The following PRIMA1 variants were observed in gnomAD, a reference collection of about 807,000 sequenced individuals.
PRIMA1 encodes proline-rich membrane anchor 1.
In PRIMA1, 7 loss-of-function variants were observed where a neutral mutation model predicts 17.5. The observed-to-expected ratio is 0.40, with a 90% CI of 0.23 to 0.75. The LOEUF is 0.75. Among genes scored for constraint, PRIMA1 ranks in the 30% least tolerant of loss-of-function variants. PRIMA1 has a pLI of 0.37. For missense variants in PRIMA1, 200 were observed against 201.8 expected (o/e 0.99, Z 0.05); for synonymous variants, 97 against 77.9 (o/e 1.25, Z -1.29).
intron 2 of PRIMA1, 132 bp downstream of exon 2, chr14:93,787,494 T>C (rs1885556199): frequency 1.5e-6 from 2 of 1,348,126 alleles, no homozygotes; most frequent in African/African-American, 1.4e-5. Flanking sequence ...CGTAGCAGCT[T>C]TTCTTTTCCC....
chr14:93,786,138 CAAAT>C (rs1232537932), intron 2 of PRIMA1, among the ~76,000 whole-genome samples: 2 of 152,124 alleles, frequency 1.3e-5, no homozygotes, highest in Admixed American at 6.5e-5. Context: ...AAAGTGTAAA[CAAAT>C]GAATCTAAAA....
At position 93,719,551 on chromosome 14, in the gene PRIMA1, T is replaced by G. The variant is rs2076023959; in HGVS notation, c.*1893A>C. On this transcript the variant is annotated 3_prime_UTR_variant, in exon 5 of 5. Coordinates refer to ENST00000393140, the MANE Select transcript of PRIMA1 (RefSeq NM_178013.4). ...AGGGCTAGGGTCCTGCCCAGGGGTC[T>G]GCTTAGGGCACAGCTTGGGGGTTCA... The G allele has an allele frequency of 6.6e-6, 1 of 152,576 alleles. No individual in the cohort carries two copies. The highest frequency in any genetic ancestry group is 6.5e-5 in the Admixed American group (1 of 15,294). 9.5% of individuals were successfully genotyped at this position (152,576 alleles called of 1,614,324 possible).
At chr14:93,728,049 AG>A (rs2076090573) in intron 4 of PRIMA1, among the ~76,000 whole-genome samples, 1 of 152,146 alleles carries the variant, frequency 6.6e-6, no homozygotes, top group Admixed American at 6.5e-5. Context: ...AAGGAGGCTG[AG>A]GGGGTGTCTC....
chr14:93,729,872 A>G (rs1265882888), intron 4 of PRIMA1, among the ~76,000 whole-genome samples: 1 of 151,506 alleles, frequency 6.6e-6, no homozygotes, highest in Non-Finnish European at 1.5e-5. Context: ...GAAGGGAGAG[A>G]ATGGCAGGAG....
chr14:93,719,883 C>T lies in PRIMA1; in HGVS notation c.*1561G>A, dbSNP rs1346938148. 3 of 152,248 alleles carry T rather than the reference C, an allele frequency of 2.0e-5. No homozygotes were observed. The highest frequency in any genetic ancestry group is 1.5e-5 in the Non-Finnish European group (1 of 68,076). 9.4% of individuals were successfully genotyped at this position (152,248 alleles called of 1,614,324 possible). On this transcript the variant is annotated 3_prime_UTR_variant, in exon 5 of 5. Coordinates refer to ENST00000393140, the MANE Select transcript of PRIMA1 (RefSeq NM_178013.4). The stretch of plus-strand genomic sequence containing the variant: ...CCCTGGGCCTGTCCTCAGCCCACAC[C>T]TGATGACCTGGGCAGGACAATGACA...
At chr14:93,742,709 G>A (rs991124981) in intron 3 of PRIMA1, among the ~76,000 whole-genome samples, 2 of 152,292 alleles carry the variant, frequency 1.3e-5, no homozygotes, top group East Asian at 1.9e-4. Context: ...CTCCCCTATC[G>A]TCCTCATAGG....
chr14:93,766,855 A>G (rs1401887394), intron 3 of PRIMA1, among the ~76,000 whole-genome samples: 1 of 152,202 alleles, frequency 6.6e-6, no homozygotes, highest in Non-Finnish European at 1.5e-5. Context: ...CAACTCAAGA[A>G]GAAGAAATGA....
chr14:93,761,298 C>T (rs898254555), intron 3 of PRIMA1, among the ~76,000 whole-genome samples: 8 of 152,194 alleles, frequency 5.3e-5, no homozygotes, highest in South Asian at 2.1e-4. Flanking sequence ...TTGCAGCGAG[C>T]GGAGATTGTG....
At chr14:93,786,793 G>A (rs1440014822) in intron 2 of PRIMA1, among the ~76,000 whole-genome samples, 3 of 152,160 alleles carry the variant, frequency 2.0e-5, no homozygotes, top group African/African-American at 7.2e-5. Context: ...ACCACTACTG[G>A]TTAATTTCAT....
Position 93,754,806 on chromosome 14 carries a change from G to A in PRIMA1, c.230-17436C>T, listed in dbSNP as rs77296435. On this transcript the variant is annotated intron_variant, in intron 3 of 4. Coordinates refer to ENST00000393140, the MANE Select transcript of PRIMA1 (RefSeq NM_178013.4). ...GCCGGCCATGCAGCTCACCATAATC[G>A]ACTGTTCCATCACCTTACTTTGACA... Among the ~76,000 whole-genome samples, 1,377 of 152,122 alleles carry A rather than the reference G, an allele frequency of 9.1e-3. 7 individuals carry two copies. Among genetic ancestry groups the A allele is most frequent in the Non-Finnish European group, 0.014 (927 of 68,002 alleles).
intron 2 of PRIMA1, among the ~76,000 whole-genome samples, chr14:93,783,500 G>T (rs1239513618): frequency 6.6e-6 from 1 of 152,130 alleles, no homozygotes; most frequent in Non-Finnish European, 1.5e-5. Flanking sequence ...TCTGGAGCTT[G>T]TCCCAACACC....
At chr14:93,722,016 ATG>A (rs2076042108) in intron 4 of PRIMA1, among the ~76,000 whole-genome samples, 2 of 60,704 alleles carry the variant, frequency 3.3e-5, no homozygotes, top group South Asian at 4.5e-4. Flanking sequence ...GCTAGTGGTG[ATG>A]CTGGTGGTAA....
chr14:93,788,942 T>G (rs1885613952), upstream of PRIMA1, among the ~76,000 whole-genome samples: 1 of 152,024 alleles, frequency 6.6e-6, no homozygotes, highest in Non-Finnish European at 1.5e-5. Context: ...ACCCTCACGC[T>G]GGCCCGCGAG....
In PRIMA1 at chr14:93,726,858, C is replaced by T. The variant is rs181151811; in HGVS notation, c.360-5312G>A. On this transcript the variant is annotated intron_variant, in intron 4 of 4. Coordinates refer to ENST00000393140, the MANE Select transcript of PRIMA1 (RefSeq NM_178013.4). The surrounding 1 kb of genome is among the most constrained non-coding windows in gnomAD (Gnocchi z 4.2). ...ACACATGTCCCTACACACATATGCA[C>T]ACATACACATATGTGCACATGCATG... 2.6e-5 allele frequency among the ~76,000 whole-genome samples: 4 copies of T among 152,300 alleles called. No homozygotes were observed.
chr14:93,741,381 T>A (rs2076183359), intron 3 of PRIMA1, among the ~76,000 whole-genome samples: 1 of 152,194 alleles, frequency 6.6e-6, no homozygotes, highest in Non-Finnish European at 1.5e-5. Flanking sequence ...TTCCCTCCCA[T>A]GGGGTGTGGC....
At chr14:93,783,905 T>C (rs1287800318) in intron 2 of PRIMA1, among the ~76,000 whole-genome samples, 1 of 152,024 alleles carries the variant, frequency 6.6e-6, no homozygotes, top group Non-Finnish European at 1.5e-5. Context: ...ACCATCCTAC[T>C]CCTGGCCAAT....
At position 93,750,142 on chromosome 14, in the gene PRIMA1, C is replaced by T. The variant is rs145622465; in HGVS notation, c.230-12772G>A. On this transcript the variant is annotated intron_variant, in intron 3 of 4. Transcript: ENST00000393140. ...GGCAGAGGTTGCAGTGTGCCGAGAT[C>T]GTGCCACTGCACCGTAGCCTGGGAG... 7.8e-3 allele frequency among the ~76,000 whole-genome samples: 1,180 copies of T among 151,892 alleles called. 17 individuals are homozygous for T. Among genetic ancestry groups the T allele is most frequent in the African/African-American group, 0.027 (1,124 of 41,400 alleles).
At chr14:93,772,512 G>A (rs1431537758) in intron 3 of PRIMA1, among the ~76,000 whole-genome samples, 4 of 152,258 alleles carry the variant, frequency 2.6e-5, no homozygotes, top group Non-Finnish European at 2.9e-5. Context: ...AGTCACAGGC[G>A]GGGACAGGCA....
intron 3 of PRIMA1, among the ~76,000 whole-genome samples, chr14:93,778,535 C>A (rs948143738): frequency 6.6e-6 from 1 of 152,188 alleles, no homozygotes; most frequent in Non-Finnish European, 1.5e-5. Context: ...GAATGAACCA[C>A]GTGAAATACA....
Sources: allele counts gnomAD v4.1 joint callset (sites outside exome capture counted in the v4.1 genomes callset), GRCh38; gene constraint gnomAD v4.1.1; non-coding constraint Gnocchi (gnomAD v3.1); transcripts MANE v1.5; gene names NCBI Gene and HGNC (gene_info 2026-07-23, HGNC 2026-07-21).